The following EFEMP2 variants were observed in gnomAD, a reference collection of about 807,000 sequenced individuals.
The protein encoded by EFEMP2 is EGF-containing fibulin-like extracellular matrix protein 2.
In EFEMP2, 21 loss-of-function variants were observed where a neutral mutation model predicts 55.3. That is an observed-to-expected ratio of 0.38 (90% CI 0.27 to 0.55). EFEMP2 has a LOEUF of 0.55. Ranked by LOEUF, EFEMP2 falls within the 20% of genes least tolerant of loss-of-function variation. The pLI is 0.77. For synonymous variants in EFEMP2, 275 were observed against 242.3 expected (o/e 1.14, Z -1.25); for missense variants, 513 against 615.1 (o/e 0.83, Z 1.76).
At position 65,868,654 on chromosome 11, in the gene EFEMP2, C is replaced by T. The variant is rs767233775; in HGVS notation, c.728-25G>A. The T allele has an allele frequency of 9.9e-6, 16 of 1,613,228 alleles. No individual in the cohort carries two copies. The Admixed American group carries it at 2.7e-4, about 27-fold the overall frequency. On this transcript the variant is annotated intron_variant, in intron 7 of 10. Transcript: ENST00000307998. ...TCTGAGGAAGCATGGGGATGGGGAC[C>T]CCGGGTCAAGGGCATTCCTCACCAT...
intron 10 of EFEMP2, 127 bp downstream of exon 10, chr11:65,867,734 C>G: frequency 9.6e-7 from 1 of 1,043,854 alleles, no homozygotes. Flanking sequence ...CCTGCAGAAA[C>G]CCCGCCTCCG....
chr11:65,871,941 G>A, intron 3 of EFEMP2, 29 bp downstream of exon 3: 1 of 1,551,336 alleles, frequency 6.4e-7, no homozygotes, highest in Middle Eastern at 1.7e-4. Context: ...CGGGTTCCTG[G>A]GGGTGTTTGG....
At chr11:65,867,235 G>C (rs1303234095) in intron 10 of EFEMP2, 156 bp from the exon 11 acceptor site, 5 of 799,628 alleles carry the variant, frequency 6.3e-6, no homozygotes, top group African/African-American at 1.7e-5. Context: ...TGACACCCTC[G>C]ATGTCTCTCC....
intron 2 of EFEMP2, 80 bp downstream of exon 2, chr11:65,872,164 C>G: frequency 6.7e-7 from 1 of 1,503,244 alleles, no homozygotes; most frequent in African/African-American, 1.4e-5. Context: ...GGAAGACTTC[C>G]CCGGCAGCAG....
chr11:65,869,275 T>C (rs1167915176), intron 7 of EFEMP2: 1 of 193,434 alleles, frequency 5.2e-6, no homozygotes, highest in Non-Finnish European at 1.1e-5. Flanking sequence ...CCCAGGACTT[T>C]GTGATTATTT....
rs1001580366 is a variant in EFEMP2 at position 65,870,522 on chromosome 11, C to T, written c.490+14G>A. On this transcript the variant is annotated intron_variant, in intron 5 of 10. Coordinates refer to ENST00000307998, the MANE Select transcript of EFEMP2 (RefSeq NM_016938.5). ...CACAAAGCCGGGACTACAGAAGCTGCTTCCTGGACTCACCCACACACTCGG... is the reference window on the plus strand; with the variant it reads ...CACAAAGCCGGGACTACAGAAGCTGTTTCCTGGACTCACCCACACACTCGG... 2 of 1,613,920 alleles carry T rather than the reference C, an allele frequency of 1.2e-6. No homozygotes were observed. The highest frequency in any genetic ancestry group is 1.7e-6 in the Non-Finnish European group (2 of 1,179,878).
intron 7 of EFEMP2, chr11:65,869,343 G>A (rs1331765798): frequency 1.0e-5 from 2 of 195,904 alleles, no homozygotes; most frequent in Admixed American, 5.3e-5. Flanking sequence ...TTTTGTAGAG[G>A]AAGGAGAAAA....
chr11:65,866,548 T>G lies in EFEMP2; in HGVS notation c.*370A>C. Reference sequence around the variant, plus strand: ...GTTAGGAATGGAACCCAGGGCCTCCTGGCGCTGTCCAGAGTGGAGTTTCTT... The same window carrying G: ...GTTAGGAATGGAACCCAGGGCCTCCGGGCGCTGTCCAGAGTGGAGTTTCTT... On this transcript the variant is annotated 3_prime_UTR_variant, in exon 11 of 11. Coordinates refer to ENST00000307998, the MANE Select transcript of EFEMP2 (RefSeq NM_016938.5). The G allele has an allele frequency of 1.4e-6, 1 of 702,888 alleles. No individual in the cohort carries two copies. The highest frequency in any genetic ancestry group is 1.7e-5 in the African/African-American group (1 of 57,364). 43.5% of individuals were successfully genotyped at this position (702,888 alleles called of 1,614,324 possible).
At position 65,870,102 on chromosome 11, in the gene EFEMP2, T is replaced by TGGCCC. The variant is rs1859938615; in HGVS notation, c.607+14_607+18dup. On this transcript the variant is annotated intron_variant, in intron 6 of 10. Transcript: ENST00000307998. ...CCTCCCTGCCCAGGACCCAGGAGCC[T>TGGCCC]GGCCCAGCCCAGCCTCACCAACACA... 1.2e-6 allele frequency: 2 copies of TGGCCC among 1,613,410 alleles called. No individual in the cohort carries two copies. The highest frequency in any genetic ancestry group is 1.7e-6 in the Non-Finnish European group (2 of 1,179,832).
chr11:65,869,882 C>G lies in EFEMP2; in HGVS notation c.702G>C (p.Leu234=). ...CACTGCAGGAGAAGCCATCCCGATG[C>G]AGCTCATAGCCCTGGTGGCAGCGAC... is the stretch of plus-strand genomic sequence containing the variant. ...FLCRCHQGYE[L]HRDGFSCSDI... is the part of the protein sequence containing the mutation. Residue 234 remains leucine (L), a synonymous_variant, in exon 7 of 11, where the codon CTG becomes CTC. Transcript: ENST00000307998. The G allele has an allele frequency of 1.2e-6, 2 of 1,614,064 alleles. No homozygotes were observed. The highest frequency in any genetic ancestry group is 1.7e-6 in the Non-Finnish European group (2 of 1,180,016).
At chr11:65,870,058 G>C in intron 6 of EFEMP2, 63 bp downstream of exon 6, 1 of 1,613,090 alleles carries the variant, frequency 6.2e-7, no homozygotes, top group Admixed American at 1.7e-5. Flanking sequence ...GGTCAAGAAG[G>C]GAGCGCCCCC....
chr11:65,868,716 C>A, intron 7 of EFEMP2, 87 bp from the exon 8 acceptor site: 1 of 1,563,452 alleles, frequency 6.4e-7, no homozygotes, highest in Non-Finnish European at 8.7e-7. Flanking sequence ...GGCCCAGCCC[C>A]ATGTTAGACT....
intron 5 of EFEMP2, 105 bp downstream of exon 5, chr11:65,870,431 C>T: frequency 6.4e-7 from 1 of 1,554,910 alleles, no homozygotes; most frequent in Non-Finnish European, 8.8e-7. Context: ...GGTGAGGTGG[C>T]AGGGGCCGGG....
chr11:65,870,983 A>G, intron 4 of EFEMP2, 174 bp downstream of exon 4: 1 of 832,118 alleles, frequency 1.2e-6, no homozygotes, highest in Non-Finnish European at 1.9e-6. Context: ...AGCTGGCTGG[A>G]GCAGTGGCAC....
intron 7 of EFEMP2, 30 bp downstream of exon 7, chr11:65,869,824 CAGA>C: frequency 6.2e-7 from 1 of 1,613,034 alleles, no homozygotes. Context: ...TGGGGGTCCA[CAGA>C]GGAGTACACA....
chr11:65,869,992 A>G lies in EFEMP2; in HGVS notation c.608-16T>C, dbSNP rs1859936444. Reference sequence around the variant, plus strand: ...TCGTTCACATCTGGGGGTGCCAGGAAAAACAGGAGGGATGAAAGCGGAGGA... The same window carrying G: ...TCGTTCACATCTGGGGGTGCCAGGAGAAACAGGAGGGATGAAAGCGGAGGA... On this transcript the variant is annotated splice_polypyrimidine_tract_variant and intron_variant, in intron 6 of 10. Transcript: ENST00000307998. 1.2e-6 allele frequency: 2 copies of G among 1,613,538 alleles called. No homozygotes were observed. The highest frequency in any genetic ancestry group is 3.3e-5 in the Admixed American group (2 of 60,004).
chr11:65,869,118 C>T (rs1319390387), intron 7 of EFEMP2: 3 of 252,660 alleles, frequency 1.2e-5, no homozygotes, highest in South Asian at 4.6e-5. Context: ...GGCCTCATCC[C>T]GCAGCAAAGC....
chr11:65,871,403 G>A (rs202074466), intron 3 of EFEMP2, 40 bp from the exon 4 acceptor site: 1 of 1,599,368 alleles, frequency 6.3e-7, no homozygotes, highest in East Asian at 2.2e-5. Flanking sequence ...AGTCTCCTGG[G>A]CTGGCCCTGG....
intron 5 of EFEMP2, 68 bp downstream of exon 5, chr11:65,870,468 A>C: frequency 6.2e-7 from 1 of 1,604,776 alleles, no homozygotes; most frequent in Admixed American, 1.7e-5. Flanking sequence ...AATGGGGGTC[A>C]GGTGCTAGGG....
Sources: gnomAD v4.1 joint callset for allele counts on GRCh38, gnomAD v4.1.1 for gene constraint, MANE v1.5 for transcripts, NCBI Gene and HGNC (gene_info 2026-07-23, HGNC 2026-07-21) for gene names.